The following SGCG variants were observed in gnomAD, a reference collection of about 807,000 sequenced individuals.
The protein encoded by SGCG is sarcoglycan gamma, also known as gamma-sarcoglycan.
A neutral mutation model predicts 29.3 loss-of-function variants in SGCG; 26 were observed. That is an observed-to-expected ratio of 0.89 (90% CI 0.65 to 1.23). SGCG has a LOEUF of 1.23. Ranked by LOEUF, SGCG falls within the 50% of genes most tolerant of loss-of-function variation. The pLI, the probability that SGCG is intolerant of heterozygous loss-of-function variation, is 0.00. For missense variants in SGCG, 353 were observed against 356.0 expected (o/e 0.99, Z 0.07); for synonymous variants, 145 against 129.7 (o/e 1.12, Z -0.80).
chr13:23,200,404 C>G (rs951858679), intron 1 of SGCG, among the ~76,000 whole-genome samples: 3 of 152,104 alleles, frequency 2.0e-5, no homozygotes, highest in African/African-American at 7.2e-5. Flanking sequence ...AGCCTGGCAA[C>G]AGAGCAAGAA....
chr13:23,199,957 C>T (rs1329108475), intron 1 of SGCG, among the ~76,000 whole-genome samples: 1 of 152,180 alleles, frequency 6.6e-6, no homozygotes, highest in Non-Finnish European at 1.5e-5. Context: ...TTGGGCAAGC[C>T]TCACCAGACT....
At chr13:23,295,343 G>A (rs749324779) in intron 5 of SGCG, 72 bp from the exon 6 acceptor site, 15 of 1,181,274 alleles carry the variant, frequency 1.3e-5, no homozygotes, top group Non-Finnish European at 1.8e-5. Context: ...TTAATATCTA[G>A]GCTAAATGTT....
the SGCG span, among the ~76,000 whole-genome samples, chr13:23,165,149 A>G: frequency 6.6e-6 from 1 of 152,194 alleles, no homozygotes; most frequent in Non-Finnish European, 1.5e-5. Context: ...AAAAATTATT[A>G]TCAGCCTAGC....
intron 5 of SGCG, among the ~76,000 whole-genome samples, chr13:23,282,250 GCTT>G (rs1165047546): frequency 6.6e-6 from 1 of 152,100 alleles, no homozygotes; most frequent in Non-Finnish European, 1.5e-5. Context: ...TTGATGGTTC[GCTT>G]CTTGTTTTGT....
intron 6 of SGCG, among the ~76,000 whole-genome samples, chr13:23,314,001 A>G (rs1177071488): frequency 6.6e-6 from 1 of 152,046 alleles, no homozygotes; most frequent in African/African-American, 2.4e-5. Flanking sequence ...ATCAGACTCT[A>G]AGTTCTTCAG....
chr13:23,236,710 C>T (rs1879331337), intron 3 of SGCG, among the ~76,000 whole-genome samples: 1 of 150,422 alleles, frequency 6.6e-6, no homozygotes, highest in Non-Finnish European at 1.5e-5. Context: ...AATAATAACT[C>T]TCAGTTATAT....
intron 1 of SGCG, among the ~76,000 whole-genome samples, chr13:23,186,308 C>T (rs958794722): frequency 2.6e-5 from 4 of 152,192 alleles, no homozygotes; most frequent in African/African-American, 9.7e-5. Flanking sequence ...GCTGGTCCGC[C>T]TGGGTGACAA....
At chr13:23,251,050 A>C (rs1281746099) in intron 4 of SGCG, among the ~76,000 whole-genome samples, 1 of 152,230 alleles carries the variant, frequency 6.6e-6, no homozygotes, top group African/African-American at 2.4e-5. Flanking sequence ...CAAAGAGCAC[A>C]GAGACCAGTG....
chr13:23,248,124 A>T (rs952056920), intron 3 of SGCG, among the ~76,000 whole-genome samples: 2 of 151,806 alleles, frequency 1.3e-5, no homozygotes, highest in African/African-American at 4.8e-5. Context: ...AACATTTTTT[A>T]AATAAAAAAT....
At chr13:23,224,158 G>C (rs1225291383) in intron 2 of SGCG, among the ~76,000 whole-genome samples, 1 of 152,148 alleles carries the variant, frequency 6.6e-6, no homozygotes, top group African/African-American at 2.4e-5. Context: ...AGTCTATACA[G>C]ATTGAAGTAG....
intron 4 of SGCG, among the ~76,000 whole-genome samples, chr13:23,271,945 C>G (rs1399743943): frequency 6.6e-6 from 1 of 152,056 alleles, no homozygotes; most frequent in Non-Finnish European, 1.5e-5. Flanking sequence ...ACTTTCTCCA[C>G]TATTATTTAT....
intron 1 of SGCG, among the ~76,000 whole-genome samples, chr13:23,193,827 A>G (rs1313691919): frequency 6.6e-6 from 1 of 152,142 alleles, no homozygotes; most frequent in Non-Finnish European, 1.5e-5. Flanking sequence ...CACCTTGAAA[A>G]ATTGAAGGAA....
At chr13:23,172,059 A>G in the SGCG span, among the ~76,000 whole-genome samples, 3 of 152,196 alleles carry the variant, frequency 2.0e-5, no homozygotes, top group African/African-American at 4.8e-5. Flanking sequence ...TCTGATCACA[A>G]GTCATCTCCA....
At chr13:23,319,645 T>C (rs1036682188) in intron 6 of SGCG, among the ~76,000 whole-genome samples, 5 of 152,180 alleles carry the variant, frequency 3.3e-5, no homozygotes, top group Non-Finnish European at 7.3e-5. Flanking sequence ...TCCCTTTCTC[T>C]CTGCTCCCTG....
At chr13:23,297,460 T>C (rs762947661) in intron 6 of SGCG, among the ~76,000 whole-genome samples, 3 of 152,110 alleles carry the variant, frequency 2.0e-5, no homozygotes, top group South Asian at 2.1e-4. Flanking sequence ...TCTATAGATA[T>C]TAGATTAACA....
At chr13:23,170,243 G>A in the SGCG span, among the ~76,000 whole-genome samples, 2 of 152,100 alleles carry the variant, frequency 1.3e-5, no homozygotes, top group African/African-American at 2.4e-5. Context: ...TAAGGAACTG[G>A]GCTGGGTGAT....
At chr13:23,165,459 A>G in the SGCG span, among the ~76,000 whole-genome samples, 55 of 152,246 alleles carry the variant, frequency 3.6e-4, no homozygotes, top group African/African-American at 1.2e-3. Flanking sequence ...GGAGATGAAC[A>G]GTGAATTTTT....
intron 5 of SGCG, among the ~76,000 whole-genome samples, chr13:23,281,563 T>C (rs1881306703): frequency 6.6e-6 from 1 of 152,134 alleles, no homozygotes; most frequent in Non-Finnish European, 1.5e-5. Context: ...CAGCAACATG[T>C]TGACGCTCTC....
chr13:23,176,096 A>G (rs1292579717), upstream of SGCG, among the ~76,000 whole-genome samples: 2 of 152,198 alleles, frequency 1.3e-5, no homozygotes, highest in African/African-American at 4.8e-5. Flanking sequence ...TTTAATTTGC[A>G]TTCACATTTA....
Sources: allele counts gnomAD v4.1 joint callset (sites outside exome capture counted in the v4.1 genomes callset), GRCh38; gene constraint gnomAD v4.1.1; transcripts MANE v1.5; gene names NCBI Gene and HGNC (gene_info 2026-07-23, HGNC 2026-07-21).